Variants in B3GALT1 observed in about 807,000 individuals in gnomAD.
B3GALT1 encodes beta-1,3-galactosyltransferase 1, also known as UDP-Gal:betaGlcNAc beta 1,3-galactosyltransferase, polypeptide 1.
A neutral mutation model predicts 23.2 loss-of-function variants in B3GALT1; 10 were observed. That is an observed-to-expected ratio of 0.43 (90% confidence interval 0.27 to 0.73). B3GALT1 has a LOEUF of 0.73. B3GALT1 is among the 30% of genes least tolerant of loss of function. The pLI is 0.21. For synonymous variants in B3GALT1, 156 were observed against 141.5 expected, an observed-to-expected ratio of 1.10 and a Z score of -0.73; for missense variants, 299 against 405.4, an observed-to-expected ratio of 0.74 and a Z score of 2.25.
At chr2:167,656,820 TG>T (rs1356671574) in intron 3 of B3GALT1, among the ~76,000 whole-genome samples, 1 of 152,166 alleles carries the variant, frequency 6.6e-6, no homozygotes, top group Non-Finnish European at 1.5e-5. Flanking sequence ...ATTTAGTGTC[TG>T]GATTTGGGGG....
intron 1 of B3GALT1, among the ~76,000 whole-genome samples, chr2:167,471,930 G>A (rs1009960031): frequency 1.1e-4 from 16 of 151,944 alleles, no homozygotes. Context: ...GAGAGCAGAG[G>A]GATAGTGTGA....
intron 1 of B3GALT1, among the ~76,000 whole-genome samples, chr2:167,320,089 A>T (rs1696784963): frequency 6.6e-6 from 1 of 152,058 alleles, no homozygotes; most frequent in African/African-American, 2.4e-5. Flanking sequence ...AATAAAATAA[A>T]ACCTGCCTTT....
At chr2:167,630,327 T>G (rs1685418502) in intron 2 of B3GALT1, among the ~76,000 whole-genome samples, 1 of 151,718 alleles carries the variant, frequency 6.6e-6, no homozygotes. Flanking sequence ...CCTTAAAAAA[T>G]GTATGAAGAA....
chr2:167,537,295 T>A (rs1183940304), intron 2 of B3GALT1, among the ~76,000 whole-genome samples: 1 of 152,082 alleles, frequency 6.6e-6, no homozygotes, highest in Non-Finnish European at 1.5e-5. Flanking sequence ...GATTCATTTA[T>A]CTCCACCTGG....
At chr2:167,715,222 A>C in intron 3 of B3GALT1, 1 of 1,613,986 alleles carries the variant, frequency 6.2e-7, no homozygotes, top group Non-Finnish European at 8.5e-7. Context: ...TGTCTTCTTC[A>C]AGCACAGCAG....
chr2:167,771,986 G>T (rs1422662004), intron 3 of B3GALT1, among the ~76,000 whole-genome samples: 1 of 152,156 alleles, frequency 6.6e-6, no homozygotes, highest in Non-Finnish European at 1.5e-5. Flanking sequence ...CATTACCATT[G>T]TAAGTTATGC....
chr2:167,679,184 T>G (rs189344421), intron 3 of B3GALT1, among the ~76,000 whole-genome samples: 1 of 151,898 alleles, frequency 6.6e-6, no homozygotes, highest in Admixed American at 6.6e-5. Context: ...TGGCGCAAAA[T>G]CTCGGCTCAC....
At chr2:167,754,958 G>T (rs181504325) in intron 3 of B3GALT1, among the ~76,000 whole-genome samples, 7 of 152,296 alleles carry the variant, frequency 4.6e-5, no homozygotes, top group Admixed American at 2.0e-4. Flanking sequence ...GTGCAGAGCC[G>T]AGCCATGCAT....
At chr2:167,797,136 C>G (rs993490681) in intron 3 of B3GALT1, among the ~76,000 whole-genome samples, 1 of 152,156 alleles carries the variant, frequency 6.6e-6, no homozygotes, top group East Asian at 1.9e-4. Context: ...CTCTTCCTAT[C>G]CCCCAACAGG....
At chr2:167,703,085 A>G (rs147643692) in intron 3 of B3GALT1, among the ~76,000 whole-genome samples, 53 of 152,332 alleles carry the variant, frequency 3.5e-4, no homozygotes, top group Admixed American at 2.4e-3. Context: ...GGGACAATCA[A>G]TTAGGTTCAC....
chr2:167,321,244 C>CA (rs981166158), intron 1 of B3GALT1, among the ~76,000 whole-genome samples: 3 of 151,818 alleles, frequency 2.0e-5, no homozygotes, highest in African/African-American at 7.2e-5. Flanking sequence ...TGAATAAATG[C>CA]AAAAAATGTA....
intron 1 of B3GALT1, among the ~76,000 whole-genome samples, chr2:167,358,473 T>C (rs1027951425): frequency 1.3e-5 from 2 of 152,180 alleles, no homozygotes; most frequent in Non-Finnish European, 2.9e-5. Flanking sequence ...TAACAGTTTT[T>C]TTGTGTATGA....
At chr2:167,319,079 C>T (rs1469539577) in intron 1 of B3GALT1, among the ~76,000 whole-genome samples, 2 of 152,152 alleles carry the variant, frequency 1.3e-5, no homozygotes, top group Non-Finnish European at 2.9e-5. Flanking sequence ...CATTAGACAC[C>T]ATTGTCTTGC....
chr2:167,493,661 C>A (rs1699740407), intron 2 of B3GALT1, among the ~76,000 whole-genome samples: 1 of 152,056 alleles, frequency 6.6e-6, no homozygotes, highest in South Asian at 2.1e-4. Flanking sequence ...AGACGGACTC[C>A]AGTGCAGGAG....
intron 2 of B3GALT1, among the ~76,000 whole-genome samples, chr2:167,606,272 T>C (rs1181818488): frequency 6.6e-6 from 1 of 152,172 alleles, no homozygotes; most frequent in Non-Finnish European, 1.5e-5. Flanking sequence ...ATATACTTAA[T>C]TGAAAGAAAC....
chr2:167,298,555 T>C (rs1445109435), intron 1 of B3GALT1, among the ~76,000 whole-genome samples: 2 of 152,132 alleles, frequency 1.3e-5, no homozygotes, highest in Admixed American at 1.3e-4. Context: ...ATTTACTTCA[T>C]TCTTTATGTC....
At chr2:167,314,613 G>A (rs553641235) in intron 1 of B3GALT1, among the ~76,000 whole-genome samples, 27 of 152,208 alleles carry the variant, frequency 1.8e-4, no homozygotes, top group Non-Finnish European at 2.5e-4. Flanking sequence ...TTTTAAATTA[G>A]TCATTTTATT....
chr2:167,697,189 G>GT (rs779905043), intron 3 of B3GALT1, among the ~76,000 whole-genome samples: 43 of 152,174 alleles, frequency 2.8e-4, no homozygotes, highest in Non-Finnish European at 5.4e-4. Context: ...ATAAGTGGTT[G>GT]TAACAATTAT....
chr2:167,399,265 A>G (rs1051701199), intron 1 of B3GALT1, among the ~76,000 whole-genome samples: 3 of 149,758 alleles, frequency 2.0e-5, no homozygotes, highest in Non-Finnish European at 3.0e-5. Flanking sequence ...TCTTCAAAAC[A>G]TGTGTCAAGT....
Sources: gnomAD v4.1 joint callset for allele counts (sites outside exome capture counted in the v4.1 genomes callset) on GRCh38, gnomAD v4.1.1 for gene constraint, MANE v1.5 for transcripts, NCBI Gene and HGNC (gene_info 2026-07-23, HGNC 2026-07-21) for gene names.